Variants in PTPRD observed in about 807,000 individuals in gnomAD.
The protein encoded by PTPRD is protein tyrosine phosphatase receptor type D, also known as receptor-type tyrosine-protein phosphatase delta.
In PTPRD, 34 loss-of-function variants were observed where a neutral mutation model predicts 214.5. The ratio of observed to expected loss-of-function variants is 0.16; its 90% CI spans 0.12 to 0.21. The LOEUF (loss-of-function observed/expected upper bound fraction) is 0.21, where lower values mean the gene tolerates loss of function less well. PTPRD is among the 10% of genes least tolerant of loss of function. The probability of loss-of-function intolerance (pLI) is 1.00; values close to 1 mark genes in which losing one functional copy is unlikely to be tolerated. For synonymous variants in PTPRD, 1,128 were observed against 845.7 expected, an observed-to-expected ratio of 1.33 and a Z score of -5.79; for missense variants, 2,545 against 2,398.7, an observed-to-expected ratio of 1.06 and a Z score of -1.27.
chr9:8,965,150 G>T (rs1047439544), intron 11 of PTPRD, among the ~76,000 whole-genome samples: 1 of 152,084 alleles, frequency 6.6e-6, no homozygotes, highest in Non-Finnish European at 1.5e-5. Context: ...GGCCGAGGCA[G>T]GCAGATTACC....
At chr9:9,399,307 T>C (rs2141269376) in intron 8 of PTPRD, among the ~76,000 whole-genome samples, 1 of 152,154 alleles carries the variant, frequency 6.6e-6, no homozygotes, top group South Asian at 2.1e-4. Context: ...AAGCATAGAA[T>C]GTGATAGTTC....
chr9:8,561,346 C>T (rs2086235566), intron 14 of PTPRD, among the ~76,000 whole-genome samples: 1 of 152,162 alleles, frequency 6.6e-6, no homozygotes, highest in Non-Finnish European at 1.5e-5. Flanking sequence ...TCCTCCCACC[C>T]CACCGCTGCC....
intron 11 of PTPRD, among the ~76,000 whole-genome samples, chr9:9,003,629 A>G (rs2099434801): frequency 6.6e-6 from 1 of 152,060 alleles, no homozygotes; most frequent in African/African-American, 2.4e-5. Context: ...TTTTAGCAAT[A>G]GGCAGTAAGT....
At chr9:8,460,385 A>G (rs1356443339) in intron 33 of PTPRD, 26 bp downstream of exon 33, 4 of 1,608,670 alleles carry the variant, frequency 2.5e-6, no homozygotes, top group Non-Finnish European at 3.4e-6. Context: ...CTCCAAAATT[A>G]CAACAGAAAT....
intron 17 of PTPRD, among the ~76,000 whole-genome samples, chr9:8,526,295 G>A: frequency 6.7e-6 from 1 of 149,600 alleles, no homozygotes. Flanking sequence ...AAAGGAAAAA[G>A]GAAGAAGAAG....
At chr9:9,928,936 G>A (rs754355999) in intron 5 of PTPRD, among the ~76,000 whole-genome samples, 1 of 151,948 alleles carries the variant, frequency 6.6e-6, no homozygotes, top group South Asian at 2.1e-4. Flanking sequence ...TTTGTAAAAG[G>A]CTTTCACAAA....
chr9:8,731,766 T>G (rs1188785261), intron 12 of PTPRD, among the ~76,000 whole-genome samples: 3 of 152,226 alleles, frequency 2.0e-5, no homozygotes, highest in Non-Finnish European at 1.5e-5. Context: ...ATTTTCCTCT[T>G]TCGTCAATAA....
At chr9:10,462,288 TG>T (rs2098964736) in intron 2 of PTPRD, among the ~76,000 whole-genome samples, 2 of 152,170 alleles carry the variant, frequency 1.3e-5, no homozygotes, top group Non-Finnish European at 2.9e-5. Flanking sequence ...ATATGAATAT[TG>T]GTCATTTCCT....
chr9:10,547,320 TC>T (rs2060377633), intron 2 of PTPRD, among the ~76,000 whole-genome samples: 1 of 152,074 alleles, frequency 6.6e-6, no homozygotes, highest in Admixed American at 6.6e-5. Context: ...GTTTTTTTTT[TC>T]TTTTAAGTCA....
intron 11 of PTPRD, among the ~76,000 whole-genome samples, chr9:8,853,113 A>G (rs12552174): frequency 0.18 from 27,002 of 152,192 alleles, 2,951 homozygotes; most frequent in Non-Finnish European, 0.24. Flanking sequence ...GGGGGAAATG[A>G]GAGACACAGG....
intron 9 of PTPRD, among the ~76,000 whole-genome samples, chr9:9,340,838 G>A (rs4742586): frequency 0.21 from 31,944 of 152,058 alleles, 3,866 homozygotes; most frequent in East Asian, 0.33. Flanking sequence ...TTCATGAGCT[G>A]TTACATTCCT....
chr9:9,951,924 G>T (rs1314080920), intron 4 of PTPRD, among the ~76,000 whole-genome samples: 1 of 152,214 alleles, frequency 6.6e-6, no homozygotes. Flanking sequence ...TCTTAATTGA[G>T]TACTTGGGTA....
At chr9:8,751,037 T>A (rs1255707676) in intron 11 of PTPRD, among the ~76,000 whole-genome samples, 1 of 152,164 alleles carries the variant, frequency 6.6e-6, no homozygotes, top group African/African-American at 2.4e-5. Context: ...TGACCCTTTA[T>A]AAAAGGCTCA....
intron 12 of PTPRD, among the ~76,000 whole-genome samples, chr9:8,659,774 A>T (rs1460178706): frequency 6.6e-6 from 1 of 152,192 alleles, no homozygotes; most frequent in Non-Finnish European, 1.5e-5. Flanking sequence ...AAATTTAAAA[A>T]TTTTCTACCT....
chr9:8,330,547 G>GATGTT (rs974080066), intron 44 of PTPRD, among the ~76,000 whole-genome samples: 28 of 129,930 alleles, frequency 2.2e-4, no homozygotes, highest in Non-Finnish European at 4.1e-4. Flanking sequence ...GTTTGCAAAG[G>GATGTT]ATGTTTAATA....
chr9:9,727,773 A>T (rs1050939734), intron 7 of PTPRD, among the ~76,000 whole-genome samples: 3 of 152,204 alleles, frequency 2.0e-5, no homozygotes, highest in Non-Finnish European at 4.4e-5. Context: ...TGGTGAAATT[A>T]GGTGAAAAGC....
In PTPRD at chr9:8,764,808, G is replaced by GATA. The variant is rs58828058; in HGVS notation, c.-103-30865_-103-30863dup. Among the ~76,000 whole-genome samples, 936 of 146,662 alleles carry GATA rather than the reference G, an allele frequency of 6.4e-3. 8 individuals carry two copies. The highest frequency in any genetic ancestry group is 0.014 in the African/African-American group (578 of 39,998). On this transcript the variant is annotated intron_variant, in intron 11 of 45. Transcript: ENST00000381196. ...TTTGTCTCAAAATAATAATAATAAT[G>GATA]ATAATAATAATAATAATAATAATAA...
intron 10 of PTPRD, among the ~76,000 whole-genome samples, chr9:9,038,337 C>CGTCTCA (rs1227095164): frequency 6.6e-6 from 1 of 152,050 alleles, no homozygotes; most frequent in Admixed American, 6.6e-5. Flanking sequence ...GCCTTTCCTT[C>CGTCTCA]GTCTCAGATG....
intron 9 of PTPRD, among the ~76,000 whole-genome samples, chr9:9,199,320 C>T (rs1302453540): frequency 6.6e-6 from 1 of 152,116 alleles, no homozygotes; most frequent in Non-Finnish European, 1.5e-5. Context: ...ATTCAGGGTC[C>T]TAGTATAAAC....
Sources: gnomAD v4.1 joint callset for allele counts (sites outside exome capture counted in the v4.1 genomes callset) on GRCh38, gnomAD v4.1.1 for gene constraint, MANE v1.5 for transcripts, NCBI Gene and HGNC (gene_info 2026-07-23, HGNC 2026-07-21) for gene names.